Variants in RNF111 observed in about 807,000 individuals in gnomAD.
RNF111 encodes the protein E3 ubiquitin-protein ligase Arkadia.
A neutral mutation model predicts 95.1 loss-of-function variants in RNF111; 17 were observed. The observed-to-expected ratio is 0.18, with a 90% CI of 0.12 to 0.27. The LOEUF (loss-of-function observed/expected upper bound fraction) is 0.27, where lower values mean the gene tolerates loss of function less well. RNF111 is among the 10% of genes least tolerant of loss of function. The pLI is 1.00. For synonymous variants in RNF111, 440 were observed against 414.8 expected (o/e 1.06, Z -0.74); for missense variants, 1,189 against 1,210.4 (o/e 0.98, Z 0.26).
chr15:59,011,145 C>G (rs1018520891), intron 1 of RNF111, among the ~76,000 whole-genome samples: 1 of 152,148 alleles, frequency 6.6e-6, no homozygotes, highest in African/African-American at 2.4e-5. Context: ...TTCAGGGAAA[C>G]TCTGCCATGA....
chr15:59,036,590 G>C (rs1468142779), intron 2 of RNF111, among the ~76,000 whole-genome samples: 1 of 152,118 alleles, frequency 6.6e-6, no homozygotes, highest in Non-Finnish European at 1.5e-5. Flanking sequence ...CCATGATTCA[G>C]TTATCTCTGC....
intron 12 of RNF111, among the ~76,000 whole-genome samples, chr15:59,091,557 C>T (rs2079053466): frequency 6.6e-6 from 1 of 152,178 alleles, no homozygotes; most frequent in South Asian, 2.1e-4. Flanking sequence ...AGAATTCCAT[C>T]ATATGGCAGT....
Position 59,089,703 on chromosome 15 carries a change from A to G in RNF111, c.2587A>G (p.Ile863Val). The G allele has an allele frequency of 6.2e-7, 1 of 1,613,702 alleles. No individual in the cohort carries two copies. The highest frequency in any genetic ancestry group is 8.5e-7 in the Non-Finnish European group (1 of 1,179,844). The change falls in exon 11 of 14, where the codon ATT becomes GTT. Residue 863 changes from isoleucine (I) to valine (V), a missense_variant. Ile to Val is a conservative substitution (Grantham distance 29). Around this residue, in one of 2 missense-constraint regions of RNF111, gnomAD observed 165 missense variants for 284.6 expected, o/e 0.58. Coordinates refer to ENST00000348370, the MANE Select transcript of RNF111 (RefSeq NM_017610.8). Reference protein sequence around the residue: ...DMAGYPHIRYISSGLDGTSFR... With the variant: ...DMAGYPHIRYVSSGLDGTSFR... ...GGCAGGCTATCCTCACATCCGTTACATTTCATCAGGATTGGATGGAACATC... is the reference window on the plus strand; with the variant it reads ...GGCAGGCTATCCTCACATCCGTTACGTTTCATCAGGATTGGATGGAACATC...
At chr15:59,038,625 CCT>C (rs1386236884) in intron 2 of RNF111, among the ~76,000 whole-genome samples, 5 of 152,232 alleles carry the variant, frequency 3.3e-5, no homozygotes, top group Non-Finnish European at 7.4e-5. Context: ...ATTTCTAACC[CCT>C]CTTTTTTTTC....
rs368855736 is a variant in RNF111 at position 59,010,504 on chromosome 15, C to T, written c.-19-20300C>T. Among the ~76,000 whole-genome samples, 14 of 152,070 alleles carry T rather than the reference C, an allele frequency of 9.2e-5. No individual in the cohort carries two copies. In the East Asian group the frequency reaches 1.9e-3, roughly 21 times the overall value. On this transcript the variant is annotated intron_variant, in intron 1 of 13. Coordinates refer to ENST00000348370, the MANE Select transcript of RNF111 (RefSeq NM_017610.8). ...CCAACCATTGCCTCCTAGGTTTAAGCGATTCTCCTGCCTCAGCCTCCCAAG... is the reference window on the plus strand; with the variant it reads ...CCAACCATTGCCTCCTAGGTTTAAGTGATTCTCCTGCCTCAGCCTCCCAAG...
intron 6 of RNF111, among the ~76,000 whole-genome samples, chr15:59,068,711 G>A (rs1031298450): frequency 3.3e-5 from 5 of 151,912 alleles, no homozygotes; most frequent in South Asian, 4.2e-4. Flanking sequence ...TATGTCACCC[G>A]ACCTTTCCTA....
rs201334024 is a variant in RNF111, at chr15:59,067,022, C to T, written c.1625C>T (p.Pro542Leu). 2 of 1,614,156 alleles carry T rather than the reference C, an allele frequency of 1.2e-6. No individual in the cohort carries two copies. Among genetic ancestry groups the T allele is most frequent in the East Asian group, 2.2e-5 (1 of 44,886 alleles). ...FSDPACPVER[P>L]PQVQAPCGAN... The stretch of plus-strand genomic sequence containing the variant: ...GATCCTGCTTGCCCTGTGGAAAGAC[C>T]TCCACAAGTACAAGCACCTTGTGGA... Residue 542 changes from proline to leucine, a missense_variant, in exon 6 of 14, where the codon CCT becomes CTT. Coordinates refer to ENST00000348370, the MANE Select transcript of RNF111 (RefSeq NM_017610.8).
Position 59,094,979 on chromosome 15 carries a change from T to C in RNF111, c.*79T>C. On this transcript the variant is annotated 3_prime_UTR_variant, in exon 14 of 14. Transcript: ENST00000348370. ...GCAGTCAACCAAAGATGGCATGACT[T>C]ACCTGCGCAGATTTGGAAGCATTGA... is the stretch of plus-strand genomic sequence containing the variant. 1 of 851,692 alleles carries C rather than the reference T, an allele frequency of 1.2e-6. No homozygotes were observed. Among genetic ancestry groups the C allele is most frequent in the South Asian group, 1.4e-5 (1 of 73,572 alleles). The allele number at this position is 851,692 out of a possible 1,614,324, so 52.8% of individuals were successfully genotyped here.
chr15:59,025,476 GT>G (rs2040555699), intron 1 of RNF111, among the ~76,000 whole-genome samples: 1 of 152,142 alleles, frequency 6.6e-6, no homozygotes, highest in African/African-American at 2.4e-5. Context: ...GATATGAGTA[GT>G]AGTAGTTATA....
At chr15:59,081,918 G>A (rs1020891912) in intron 8 of RNF111, among the ~76,000 whole-genome samples, 1 of 152,122 alleles carries the variant, frequency 6.6e-6, no homozygotes, top group Non-Finnish European at 1.5e-5. Flanking sequence ...CCAGCTACTG[G>A]GTAGGCTGAG....
At chr15:59,021,036 A>G (rs1305662898) in intron 1 of RNF111, among the ~76,000 whole-genome samples, 2 of 152,112 alleles carry the variant, frequency 1.3e-5, no homozygotes, top group South Asian at 2.1e-4. Context: ...TGTATACTGT[A>G]CCTAATGTGT....
chr15:59,019,105 A>ATTTTTTTTTTTTT (rs35154303), intron 1 of RNF111, among the ~76,000 whole-genome samples: 23 of 121,256 alleles, frequency 1.9e-4, no homozygotes, highest in Middle Eastern at 8.8e-3. Context: ...GTATTTTTGT[A>ATTTTTTTTTTTTT]TTTTTTTTTT....
chr15:59,010,920 G>C (rs1316783678), intron 1 of RNF111, among the ~76,000 whole-genome samples: 16 of 152,200 alleles, frequency 1.1e-4, no homozygotes, highest in African/African-American at 2.9e-4. Context: ...TTGTAATTCT[G>C]TGGGCTTTTG....
chr15:59,082,330 A>G (rs2078768962), intron 8 of RNF111, among the ~76,000 whole-genome samples: 2 of 152,216 alleles, frequency 1.3e-5, no homozygotes, highest in Non-Finnish European at 1.5e-5. Context: ...TGTTTCTGCA[A>G]TATCGTGTGG....
At chr15:59,063,846 G>T (rs1341687045) in intron 5 of RNF111, among the ~76,000 whole-genome samples, 1 of 152,218 alleles carries the variant, frequency 6.6e-6, no homozygotes, top group Non-Finnish European at 1.5e-5. Context: ...AAATTAAAGT[G>T]TCAGAGTTGG....
intron 1 of RNF111, among the ~76,000 whole-genome samples, chr15:59,023,188 C>CA (rs1222769863): frequency 6.6e-6 from 1 of 152,116 alleles, no homozygotes; most frequent in Non-Finnish European, 1.5e-5. Flanking sequence ...GCGTAGGTTG[C>CA]AGTGAGCTGA....
At chr15:58,995,976 CTAAATT>C (rs1471909732) in intron 1 of RNF111, among the ~76,000 whole-genome samples, 1 of 151,792 alleles carries the variant, frequency 6.6e-6, no homozygotes, top group Non-Finnish European at 1.5e-5. Flanking sequence ...CGCTAGGAAA[CTAAATT>C]TAAATTAGAT....
intron 6 of RNF111, among the ~76,000 whole-genome samples, chr15:59,070,542 A>G (rs1009497964): frequency 6.6e-6 from 1 of 152,202 alleles, no homozygotes; most frequent in East Asian, 1.9e-4. Context: ...TTATTCTTAA[A>G]CCGTATTTAC....
chr15:59,074,846 C>G (rs1470383399), intron 6 of RNF111, among the ~76,000 whole-genome samples: 3 of 152,156 alleles, frequency 2.0e-5, no homozygotes. Context: ...TTAATCATTT[C>G]TCGGTTTTGG....
Sources: gnomAD v4.1 joint callset for allele counts (sites outside exome capture counted in the v4.1 genomes callset) on GRCh38, gnomAD v4.1.1 for gene constraint, gnomAD v4.1.1 regional missense constraint, MANE v1.5 for transcripts, NCBI Gene and HGNC (gene_info 2026-07-23, HGNC 2026-07-21) for gene names.